The following NBEA variants were observed in gnomAD, a reference collection of about 807,000 sequenced individuals.
NBEA encodes neurobeachin, also known as lysosomal-trafficking regulator 2.
In NBEA, 44 loss-of-function variants were observed where a neutral mutation model predicts 343.4. That is an observed-to-expected ratio of 0.13 (90% CI 0.10 to 0.16). The LOEUF is 0.16. Among genes scored for constraint, NBEA ranks in the 10% least tolerant of loss-of-function variants. NBEA has a pLI of 1.00. For missense variants in NBEA, 2,555 were observed against 3,631.3 expected (o/e 0.70, Z 7.62); for synonymous variants, 1,175 against 1,238.7 (o/e 0.95, Z 1.08).
At chr13:35,411,989 G>A (rs949276988) in intron 38 of NBEA, among the ~76,000 whole-genome samples, 3 of 151,784 alleles carry the variant, frequency 2.0e-5, no homozygotes, top group African/African-American at 4.8e-5. Context: ...AGCACTTAAC[G>A]TTGCTCTGAG....
intron 48 of NBEA, among the ~76,000 whole-genome samples, chr13:35,607,207 G>A (rs2082313944): frequency 6.6e-6 from 1 of 152,076 alleles, no homozygotes; most frequent in African/African-American, 2.4e-5. Context: ...ATGCCACCAT[G>A]CCAAGTTAAT....
chr13:35,402,343 A>G (rs932629839), intron 38 of NBEA, among the ~76,000 whole-genome samples: 41 of 152,142 alleles, frequency 2.7e-4, no homozygotes, highest in Middle Eastern at 3.4e-3. Flanking sequence ...TGTATTGTGA[A>G]TGCCATTTTT....
At chr13:35,449,930 A>G (rs1036678637) in intron 39 of NBEA, among the ~76,000 whole-genome samples, 50 of 152,184 alleles carry the variant, frequency 3.3e-4, no homozygotes, top group African/African-American at 1.2e-3. Flanking sequence ...AAATGTGGTT[A>G]TGTAGTAGGA....
intron 41 of NBEA, among the ~76,000 whole-genome samples, chr13:35,530,627 A>G: frequency 6.6e-6 from 1 of 152,128 alleles, no homozygotes; most frequent in Admixed American, 6.5e-5. Flanking sequence ...TGCTGCTTCA[A>G]AATCCTAACA....
At chr13:35,388,580 G>A (rs371803005) in intron 38 of NBEA, among the ~76,000 whole-genome samples, 7 of 152,010 alleles carry the variant, frequency 4.6e-5, no homozygotes, top group East Asian at 3.9e-4. Context: ...ATTTCCCCTG[G>A]GTAATGACTT....
chr13:35,032,836 A>G (rs961100749), intron 1 of NBEA, among the ~76,000 whole-genome samples: 1 of 151,550 alleles, frequency 6.6e-6, no homozygotes, highest in Non-Finnish European at 1.5e-5. Context: ...TCTTTTGCTC[A>G]TCTTGGTTTG....
intron 55 of NBEA, among the ~76,000 whole-genome samples, chr13:35,656,993 G>A (rs754703148): frequency 1.4e-4 from 22 of 152,128 alleles, no homozygotes; most frequent in Non-Finnish European, 2.5e-4. Context: ...AGCTAGGGGT[G>A]GAAACTGAAT....
chr13:35,188,961 C>T (rs2071960144), intron 30 of NBEA, among the ~76,000 whole-genome samples: 1 of 149,054 alleles, frequency 6.7e-6, no homozygotes, highest in South Asian at 2.1e-4. Context: ...ACTTTGTCAC[C>T]CTGGCTTGAG....
At chr13:35,424,933 C>T (rs1184354861) in intron 38 of NBEA, among the ~76,000 whole-genome samples, 1 of 152,128 alleles carries the variant, frequency 6.6e-6, no homozygotes. Context: ...AGTTTATTTG[C>T]ATAGAGGTGT....
At chr13:35,258,339 T>G (rs1475746520) in intron 34 of NBEA, among the ~76,000 whole-genome samples, 1 of 152,090 alleles carries the variant, frequency 6.6e-6, no homozygotes, top group Admixed American at 6.5e-5. Context: ...GGCTAATTTT[T>G]GTATTTTTAG....
intron 17 of NBEA, among the ~76,000 whole-genome samples, chr13:35,131,318 C>T (rs1432156968): frequency 2.6e-5 from 4 of 152,070 alleles, no homozygotes; most frequent in Non-Finnish European, 5.9e-5. Flanking sequence ...TCAATCTCCC[C>T]TATGAACATG....
intron 29 of NBEA, among the ~76,000 whole-genome samples, chr13:35,182,973 G>A (rs553579974): frequency 6.6e-5 from 10 of 152,032 alleles, no homozygotes; most frequent in African/African-American, 2.4e-4. Context: ...AGTTAATTCA[G>A]TATCTAAATA....
chr13:35,009,452 A>G (rs921289910), intron 1 of NBEA, among the ~76,000 whole-genome samples: 1 of 152,174 alleles, frequency 6.6e-6, no homozygotes, highest in Non-Finnish European at 1.5e-5. Context: ...GGAGAGAGCC[A>G]TATGGATATC....
intron 41 of NBEA, among the ~76,000 whole-genome samples, chr13:35,513,821 C>A (rs1028840301): frequency 3.9e-5 from 6 of 151,946 alleles, no homozygotes; most frequent in Non-Finnish European, 7.4e-5. Flanking sequence ...AATTTTAAAT[C>A]ATCCAGCTAC....
intron 34 of NBEA, among the ~76,000 whole-genome samples, chr13:35,285,808 C>T (rs566825850): frequency 6.6e-6 from 1 of 152,264 alleles, no homozygotes; most frequent in East Asian, 1.9e-4. Flanking sequence ...TAGTGGCTCC[C>T]TGGTGATGAT....
intron 1 of NBEA, among the ~76,000 whole-genome samples, chr13:35,019,803 A>T (rs1220414904): frequency 6.6e-6 from 1 of 152,202 alleles, no homozygotes; most frequent in Non-Finnish European, 1.5e-5. Flanking sequence ...AAAGTTGTTC[A>T]CAAGAATAAC....
intron 30 of NBEA, among the ~76,000 whole-genome samples, chr13:35,190,226 T>C (rs1349683865): frequency 6.6e-6 from 1 of 152,162 alleles, no homozygotes; most frequent in African/African-American, 2.4e-5. Flanking sequence ...TCAGCTTTTT[T>C]CTTTAATGTT....
At chr13:35,571,409 T>G (rs983828531) in intron 45 of NBEA, among the ~76,000 whole-genome samples, 8 of 152,294 alleles carry the variant, frequency 5.3e-5, no homozygotes, top group African/African-American at 1.7e-4. Flanking sequence ...AATGTAGGCT[T>G]CGCTCAAATA....
At chr13:35,150,589 A>G (rs552070347) in intron 18 of NBEA, among the ~76,000 whole-genome samples, 126 of 152,202 alleles carry the variant, frequency 8.3e-4, no homozygotes, top group Non-Finnish European at 1.5e-3. Context: ...AGCATCAACC[A>G]GGTTGTGTAC....
Sources: allele counts gnomAD v4.1 joint callset (sites outside exome capture counted in the v4.1 genomes callset), GRCh38; gene constraint gnomAD v4.1.1; transcripts MANE v1.5; gene names NCBI Gene and HGNC (gene_info 2026-07-23, HGNC 2026-07-21).